Variants in SNX29 observed in about 807,000 individuals in gnomAD.
SNX29 encodes the protein sorting nexin-29.
A neutral mutation model predicts 102.1 loss-of-function variants in SNX29; 78 were observed. The observed-to-expected ratio is 0.76, with a 90% CI of 0.64 to 0.92. The LOEUF is 0.92. SNX29 is among the 40% of genes least tolerant of loss of function. SNX29 has a pLI of 0.00. For synonymous variants in SNX29, 580 were observed against 414.5 expected (o/e 1.40, Z -4.85); for missense variants, 1,280 against 1,061.7 (o/e 1.21, Z -2.86).
At chr16:12,551,485 C>G (rs964824689) in intron 20 of SNX29, among the ~76,000 whole-genome samples, 13 of 152,188 alleles carry the variant, frequency 8.5e-5, no homozygotes, top group Non-Finnish European at 1.5e-4. Context: ...CTGGTTAATG[C>G]AACATTAATC....
rs567309377 is a variant in SNX29 at position 11,980,697 on chromosome 16, A to C, written c.7+3884A>C. Among the ~76,000 whole-genome samples the C allele has an allele frequency of 3.3e-5, 5 of 152,276 alleles. No individual in the cohort carries two copies. In the South Asian group the frequency reaches 1.0e-3, roughly 32 times the overall value. ...CTTTTTAATCATAGACATTCTAGTG[A>C]GTGTGAAGTGGTATTTCTTCGTAGT... On this transcript the variant is annotated intron_variant, in intron 1 of 20. Coordinates refer to ENST00000566228, the MANE Select transcript of SNX29 (RefSeq NM_032167.5).
chr16:12,334,901 C>CTTTTTTTTTTTTT (rs36176543), intron 15 of SNX29, among the ~76,000 whole-genome samples: 15 of 93,634 alleles, frequency 1.6e-4, no homozygotes, highest in African/African-American at 4.6e-4. Flanking sequence ...GCCCCAGAGC[C>CTTTTTTTTTTTTT]TTTTTTTTTT....
chr16:12,538,824 C>G (rs904454913), intron 20 of SNX29, among the ~76,000 whole-genome samples: 3 of 152,164 alleles, frequency 2.0e-5, no homozygotes, highest in East Asian at 1.9e-4. Context: ...AGTGGGAGGG[C>G]ACTGCAAAGT....
At chr16:12,564,379 C>T (rs139679533) in intron 20 of SNX29, among the ~76,000 whole-genome samples, 7 of 149,022 alleles carry the variant, frequency 4.7e-5, no homozygotes, top group Non-Finnish European at 7.4e-5. Flanking sequence ...TTCTAATCAC[C>T]ACCAACTGCA....
intron 13 of SNX29, among the ~76,000 whole-genome samples, chr16:12,190,631 C>T (rs572332158): frequency 4.2e-4 from 64 of 152,254 alleles, no homozygotes; most frequent in African/African-American, 1.5e-3. Context: ...AGCAAAGACA[C>T]ATGGGGCAGA....
Position 12,048,507 on chromosome 16 carries a change from A to T in SNX29, c.635A>T (p.Gln212Leu). 1 of 1,613,874 alleles carries T rather than the reference A, an allele frequency of 6.2e-7. No homozygotes were observed. The highest frequency in any genetic ancestry group is 8.5e-7 in the Non-Finnish European group (1 of 1,179,848). ...NVTSLLKESTQGVSSLFREIT... is the reference protein window; with the variant it reads ...NVTSLLKESTLGVSSLFREIT... Reference sequence around the variant, plus strand: ...ACCTCCTTGCTGAAGGAGTCCACGCAAGGAGTGAGCAGCCTGTTCAGGGAG... The same window carrying T: ...ACCTCCTTGCTGAAGGAGTCCACGCTAGGAGTGAGCAGCCTGTTCAGGGAG... The change falls in exon 7 of 21, where the codon CAA becomes CTA. Residue 212 changes from glutamine (Q) to leucine (L), a missense_variant. By Grantham distance (113) the Gln-to-Leu change is moderately radical. Transcript: ENST00000566228.
rs536254972 is a variant in SNX29 at position 11,995,764 on chromosome 16, C to G, written c.8-3533C>G. On this transcript the variant is annotated intron_variant, in intron 1 of 20. Coordinates refer to ENST00000566228, the MANE Select transcript of SNX29 (RefSeq NM_032167.5). ...CAGTGTCAGCTCCACTGGAAGCTTA[C>G]GAGAAACACAGAGTTGGCAGGGCAC... Among the ~76,000 whole-genome samples the G allele has an allele frequency of 4.7e-4, 71 of 151,830 alleles. 1 individual carries two copies. Among genetic ancestry groups the G allele is most frequent in the South Asian group, 1.2e-3 (6 of 4,810 alleles).
Position 12,570,611 on chromosome 16 carries a change from T to C in SNX29, c.*1982T>C, listed in dbSNP as rs770491396. 2.6e-5 allele frequency: 6 copies of C among 232,012 alleles called. No individual in the cohort carries two copies. Among genetic ancestry groups the C allele is most frequent in the East Asian group, 6.1e-5 (1 of 16,412 alleles). The allele number at this position is 232,012 out of a possible 1,614,324, so 14.4% of individuals were successfully genotyped here. ...GTAGCTACCCTGGAGGTCATCTCCCTGTTCTCTGTTGGATAAAGGAACCTC... is the reference window on the plus strand; with the variant it reads ...GTAGCTACCCTGGAGGTCATCTCCCCGTTCTCTGTTGGATAAAGGAACCTC... On this transcript the variant is annotated 3_prime_UTR_variant, in exon 21 of 21. Coordinates refer to ENST00000566228, the MANE Select transcript of SNX29 (RefSeq NM_032167.5).
At chr16:12,109,931 A>G (rs2053435890) in intron 11 of SNX29, among the ~76,000 whole-genome samples, 1 of 152,008 alleles carries the variant, frequency 6.6e-6, no homozygotes, top group South Asian at 2.1e-4. Flanking sequence ...GAGTTTCACC[A>G]CGTTGGCCAG....
intron 19 of SNX29, among the ~76,000 whole-genome samples, chr16:12,492,479 T>A (rs1448872451): frequency 6.6e-6 from 1 of 152,222 alleles, no homozygotes; most frequent in East Asian, 1.9e-4. Flanking sequence ...ATTTTGCAGG[T>A]TGCCTGTTCA....
At chr16:12,312,672 G>A (rs1267028481) in intron 15 of SNX29, among the ~76,000 whole-genome samples, 1 of 59,934 alleles carries the variant, frequency 1.7e-5, no homozygotes, top group African/African-American at 7.4e-5. Context: ...AGATGTTTCT[G>A]CTTGGCTTTG....
intron 18 of SNX29, among the ~76,000 whole-genome samples, chr16:12,444,832 GTTTTTTTTTGTTT>G (rs1193498052): frequency 2.7e-5 from 2 of 75,316 alleles, no homozygotes; most frequent in Non-Finnish European, 4.6e-5. Context: ...CCTCGACAGT[GTTTTTTTTTGTTT>G]TTTTTTTTTT....
chr16:12,560,183 C>G (rs1254632452), intron 20 of SNX29, among the ~76,000 whole-genome samples: 5 of 137,632 alleles, frequency 3.6e-5, no homozygotes, highest in African/African-American at 1.4e-4. Flanking sequence ...TTTTAATTCA[C>G]CATTTAACTT....
Position 12,383,917 on chromosome 16 carries a change from C to T in SNX29, c.1900-14529C>T, listed in dbSNP as rs150681819. On this transcript the variant is annotated intron_variant, in intron 16 of 20. Coordinates refer to ENST00000566228, the MANE Select transcript of SNX29 (RefSeq NM_032167.5). ...TAACTATCATTCTACTCTCTGTCTCCATGAGTTCAATTGTTTTCATTTTTA... is the reference window on the plus strand; with the variant it reads ...TAACTATCATTCTACTCTCTGTCTCTATGAGTTCAATTGTTTTCATTTTTA... 5.5e-3 allele frequency among the ~76,000 whole-genome samples: 836 copies of T among 152,164 alleles called. 7 individuals are homozygous for T. The highest frequency in any genetic ancestry group is 7.7e-3 in the Non-Finnish European group (522 of 67,996).
rs928981682 is a variant in SNX29, at chr16:12,549,513, T to A, written c.2319-18993T>A. Among the ~76,000 whole-genome samples, 3 of 135,124 alleles carry A rather than the reference T, an allele frequency of 2.2e-5. No individual in the cohort carries two copies. In the South Asian group the frequency reaches 7.6e-4, roughly 34 times the overall value. 88.6% of individuals were successfully genotyped at this position (135,124 alleles called of 152,430 possible). On this transcript the variant is annotated intron_variant, in intron 20 of 20. Transcript: ENST00000566228. ...CACACATACAAAGATGTTCATGCCA[T>A]TTTTCATCCTCTATCTCAAATAGCC...
Position 12,532,306 on chromosome 16 carries a change from C to T in SNX29, c.2318+7465C>T, listed in dbSNP as rs973754353. 7.2e-5 allele frequency among the ~76,000 whole-genome samples: 11 copies of T among 152,306 alleles called. No individual in the cohort carries two copies. In the East Asian group the frequency reaches 2.1e-3, roughly 29 times the overall value. Reference sequence around the variant, plus strand: ...GTCCTTAAATTGGCATTCTGGACACCAGACTCTGTAGCGTCATGAGCCTTG... The same window carrying T: ...GTCCTTAAATTGGCATTCTGGACACTAGACTCTGTAGCGTCATGAGCCTTG... On this transcript the variant is annotated intron_variant, in intron 20 of 20. Coordinates refer to ENST00000566228, the MANE Select transcript of SNX29 (RefSeq NM_032167.5).
intron 1 of SNX29, among the ~76,000 whole-genome samples, chr16:11,993,511 A>T (rs1285449760): frequency 6.6e-6 from 1 of 152,138 alleles, no homozygotes; most frequent in Non-Finnish European, 1.5e-5. Flanking sequence ...ATGATAGCTA[A>T]TTTTATTAAA....
intron 18 of SNX29, among the ~76,000 whole-genome samples, chr16:12,468,095 C>T (rs1376838923): frequency 1.3e-5 from 2 of 151,908 alleles, no homozygotes; most frequent in Non-Finnish European, 2.9e-5. Flanking sequence ...TTACACGAGC[C>T]CCTGCCACAT....
At chr16:12,553,873 T>C (rs770271248) in intron 20 of SNX29, among the ~76,000 whole-genome samples, 2 of 151,906 alleles carry the variant, frequency 1.3e-5, no homozygotes, top group Non-Finnish European at 2.9e-5. Context: ...AGATGGAGTC[T>C]CACTCTTTTG....
Sources: gnomAD v4.1 joint callset for allele counts (sites outside exome capture counted in the v4.1 genomes callset) on GRCh38, gnomAD v4.1.1 for gene constraint, MANE v1.5 for transcripts, NCBI Gene and HGNC (gene_info 2026-07-23, HGNC 2026-07-21) for gene names.